GNA13: variants seen among roughly 807,000 people sequenced by gnomAD.
GNA13 encodes G protein subunit alpha 13.
GNA13 carries 4 observed loss-of-function variants against 33.5 expected under a neutral mutation model. The observed-to-expected ratio is 0.12, with a 90% CI of 0.06 to 0.27. The LOEUF is 0.27. Among genes scored for constraint, GNA13 ranks in the 10% least tolerant of loss-of-function variants. The probability of loss-of-function intolerance (pLI) is 1.00; values close to 1 mark genes in which losing one functional copy is unlikely to be tolerated. For synonymous variants in GNA13, 176 were observed against 183.8 expected (o/e 0.96, Z 0.34); for missense variants, 319 against 487.2 (o/e 0.65, Z 3.25).
chr17:65,016,906 A>T (rs1906390175), intron 3 of GNA13, among the ~76,000 whole-genome samples: 1 of 152,272 alleles, frequency 6.6e-6, no homozygotes, highest in African/African-American at 2.4e-5. Context: ...TTAAAAGACA[A>T]GAAAATACAC....
intron 2 of GNA13, 83 bp from the exon 3 acceptor site, chr17:65,018,386 T>C: frequency 1.3e-6 from 1 of 775,142 alleles, no homozygotes; most frequent in Non-Finnish European, 2.3e-6. Flanking sequence ...TACTGTCTGG[T>C]TGTACACTTA....
intron 3 of GNA13, among the ~76,000 whole-genome samples, chr17:65,016,679 A>T (rs1906383171): frequency 2.0e-5 from 3 of 152,214 alleles, no homozygotes; most frequent in Non-Finnish European, 4.4e-5. Flanking sequence ...AGAGTTTTTT[A>T]AAAGTAGGTG....
rs940398785 is a variant in GNA13, at chr17:65,013,028, G to T, written c.*1229C>A. 1 of 216,146 alleles carries T rather than the reference G, an allele frequency of 4.6e-6. No homozygotes were observed. 13.4% of individuals were successfully genotyped at this position (216,146 alleles called of 1,614,324 possible). The stretch of plus-strand genomic sequence containing the variant: ...GGTCAATGTAATCATCTTTAGGTGC[G>T]AACTAAAAAAATTACTACTGATCCT... On this transcript the variant is annotated 3_prime_UTR_variant, in exon 4 of 4. Coordinates refer to ENST00000439174, the MANE Select transcript of GNA13 (RefSeq NM_006572.6).
At chr17:65,036,106 GT>G (rs1380611932) in intron 2 of GNA13, among the ~76,000 whole-genome samples, 1 of 152,174 alleles carries the variant, frequency 6.6e-6, no homozygotes, top group Non-Finnish European at 1.5e-5. Flanking sequence ...TTTATTCCCA[GT>G]TTAGAGCTCA....
Position 65,044,805 on chromosome 17 carries a change from G to A in GNA13, c.510+8697C>T, listed in dbSNP as rs1463899399. 3.3e-5 allele frequency among the ~76,000 whole-genome samples: 5 copies of A among 152,156 alleles called. No homozygotes were observed. In the East Asian group the frequency reaches 9.6e-4, roughly 29 times the overall value. The stretch of plus-strand genomic sequence containing the variant: ...CGCCTGTAATCCCAACATTTTGGGA[G>A]GCTAAGGCGGACAGATCACTTGAGG... On this transcript the variant is annotated intron_variant, in intron 2 of 3. Transcript: ENST00000439174.
chr17:65,027,411 T>C (rs992303271), intron 2 of GNA13, among the ~76,000 whole-genome samples: 8 of 149,524 alleles, frequency 5.4e-5, no homozygotes, highest in African/African-American at 7.4e-5. Context: ...GCCTTCCAAG[T>C]AGCTGGGATT....
At chr17:65,046,296 T>C (rs574840641) in intron 2 of GNA13, among the ~76,000 whole-genome samples, 74 of 152,236 alleles carry the variant, frequency 4.9e-4, no homozygotes, top group Middle Eastern at 3.4e-3. Context: ...TAATTTTATT[T>C]TTATTTATTT....
At position 65,056,299 on chromosome 17, in the gene GNA13, C is replaced by G; in HGVS notation, c.283+12G>C. The G allele has an allele frequency of 6.3e-7, 1 of 1,599,216 alleles. No individual in the cohort carries two copies. The highest frequency in any genetic ancestry group is 8.5e-7 in the Non-Finnish European group (1 of 1,175,488). On this transcript the variant is annotated intron_variant, in intron 1 of 3. Coordinates refer to ENST00000439174, the MANE Select transcript of GNA13 (RefSeq NM_006572.6). ...TGCCCTTAACCCCCGGCCCCCATTC[C>G]CGGCCCGGCACCTTTGATCACGTTG...
chr17:65,043,498 G>A (rs143736853), intron 2 of GNA13, among the ~76,000 whole-genome samples: 95 of 152,142 alleles, frequency 6.2e-4, no homozygotes, highest in African/African-American at 2.0e-3. Context: ...TGTTGCCCAG[G>A]CTGGTCTCAA....
At chr17:65,046,641 G>A (rs1042043078) in intron 2 of GNA13, among the ~76,000 whole-genome samples, 4 of 152,158 alleles carry the variant, frequency 2.6e-5, no homozygotes, top group Non-Finnish European at 4.4e-5. Context: ...AGATAAGCAG[G>A]GAACATTCAA....
chr17:65,051,800 C>A (rs1204178386), intron 2 of GNA13: 1 of 152,190 alleles, frequency 6.6e-6, no homozygotes, highest in Admixed American at 6.5e-5. Flanking sequence ...ACATGCAATA[C>A]TGGCAGCTAC....
Position 65,011,996 on chromosome 17 carries a change from A to G in GNA13, c.*2261T>C, listed in dbSNP as rs566434115. The G allele has an allele frequency of 1.8e-5, 4 of 227,718 alleles. No individual in the cohort carries two copies. Among genetic ancestry groups the G allele is most frequent in the Admixed American group, 5.7e-5 (1 of 17,616 alleles). 14.1% of individuals were successfully genotyped at this position (227,718 alleles called of 1,614,324 possible). On this transcript the variant is annotated 3_prime_UTR_variant, in exon 4 of 4. Transcript: ENST00000439174. ...ATGTCAAAACAAGCCTAAGTTGAAT[A>G]TAAGTAATTCATTGCCTCAAAATAT... is the stretch of plus-strand genomic sequence containing the variant.
At position 65,032,049 on chromosome 17, in the gene GNA13, T is replaced by A. The variant is rs189575297; in HGVS notation, c.511-13746A>T. The stretch of plus-strand genomic sequence containing the variant: ...CTGGAAACATCTTGATAAAGTCATA[T>A]ATAAATAAGGAGCTGTTCATTGTAA... On this transcript the variant is annotated intron_variant, in intron 2 of 3. Transcript: ENST00000439174. Among the ~76,000 whole-genome samples the A allele has an allele frequency of 1.8e-3, 274 of 152,270 alleles. 1 individual carries two copies. Among genetic ancestry groups the A allele is most frequent in the Non-Finnish European group, 3.2e-3 (215 of 68,012 alleles).
intron 2 of GNA13, among the ~76,000 whole-genome samples, chr17:65,051,064 C>T (rs1907841929): frequency 6.6e-6 from 1 of 152,152 alleles, no homozygotes; most frequent in Non-Finnish European, 1.5e-5. Flanking sequence ...ACGTCAGCTT[C>T]CAAATTAAAA....
At chr17:65,030,528 G>A (rs1906963606) in intron 2 of GNA13, among the ~76,000 whole-genome samples, 1 of 152,144 alleles carries the variant, frequency 6.6e-6, no homozygotes, top group East Asian at 1.9e-4. Context: ...CTATAATGAA[G>A]GTCAGAAGAC....
At position 65,010,793 on chromosome 17, in the gene GNA13, A is replaced by T. The variant is rs1906161391; in HGVS notation, c.*3464T>A. The T allele has an allele frequency of 4.7e-6, 1 of 211,566 alleles. No individual in the cohort carries two copies. The highest frequency in any genetic ancestry group is 9.6e-6 in the Non-Finnish European group (1 of 104,154). The allele number at this position is 211,566 out of a possible 1,614,324, so 13.1% of individuals were successfully genotyped here. On this transcript the variant is annotated 3_prime_UTR_variant, in exon 4 of 4. Transcript: ENST00000439174. Reference sequence around the variant, plus strand: ...GCATGATTTCACGGATTCAAACAAGAAATTAACACTGATATTTAGCCTTCT... The same window carrying T: ...GCATGATTTCACGGATTCAAACAAGTAATTAACACTGATATTTAGCCTTCT...
rs1330176757 is a variant in GNA13 at position 65,012,895 on chromosome 17, A to G, written c.*1362T>C. On this transcript the variant is annotated 3_prime_UTR_variant, in exon 4 of 4. Transcript: ENST00000439174. ...TAGCACTACATACAGCCTAGAAGATAGTATTTCAGTACTGCAAACCAGCCA... is the reference window on the plus strand; with the variant it reads ...TAGCACTACATACAGCCTAGAAGATGGTATTTCAGTACTGCAAACCAGCCA... 1 of 220,648 alleles carries G rather than the reference A, an allele frequency of 4.5e-6. No individual in the cohort carries two copies. The highest frequency in any genetic ancestry group is 9.1e-6 in the Non-Finnish European group (1 of 110,172). 13.7% of individuals were successfully genotyped at this position (220,648 alleles called of 1,614,324 possible). A position where few individuals can be genotyped will look rare whatever the true frequency, so the allele number is the denominator to read the frequency against.
chr17:65,048,481 C>T (rs1322906128), intron 2 of GNA13, among the ~76,000 whole-genome samples: 2 of 152,326 alleles, frequency 1.3e-5, no homozygotes, highest in Admixed American at 1.3e-4. Flanking sequence ...AAACAGGCCA[C>T]TTCTTACAAT....
Position 65,014,058 on chromosome 17 carries a change from A to G in GNA13, c.*199T>C. On this transcript the variant is annotated 3_prime_UTR_variant, in exon 4 of 4. Transcript: ENST00000439174. This position sits in a 1 kb window ranked among gnomAD's most constrained non-coding sequence, Gnocchi z 5.3. ...TGAAACAGATCAAAGCCTGCATTAC[A>G]GCAAATCTTGGCGATGAGTCACTCA... 1 of 556,468 alleles carries G rather than the reference A, an allele frequency of 1.8e-6. No individual in the cohort carries two copies. Among genetic ancestry groups the G allele is most frequent in the Non-Finnish European group, 3.2e-6 (1 of 313,320 alleles). 34.5% of individuals were successfully genotyped at this position (556,468 alleles called of 1,614,324 possible).
Sources: allele counts gnomAD v4.1 joint callset (sites outside exome capture counted in the v4.1 genomes callset), GRCh38; gene constraint gnomAD v4.1.1; non-coding constraint Gnocchi (gnomAD v3.1); transcripts MANE v1.5; gene names NCBI Gene and HGNC (gene_info 2026-07-23, HGNC 2026-07-21).